L3MBTL4: variants seen among roughly 807,000 people sequenced by gnomAD.
The protein encoded by L3MBTL4 is lethal(3)malignant brain tumor-like protein 4.
Under a neutral mutation model 84.5 loss-of-function variants are expected in L3MBTL4, and 70 were observed. That is an observed-to-expected ratio of 0.83 (90% CI 0.68 to 1.01). The LOEUF (loss-of-function observed/expected upper bound fraction) is 1.01, where lower values mean the gene tolerates loss of function less well. Among genes scored for constraint, L3MBTL4 ranks in the 50% least tolerant of loss-of-function variants. L3MBTL4 has a pLI of 0.00. For synonymous variants in L3MBTL4, 274 were observed against 259.8 expected (o/e 1.05, Z -0.52); for missense variants, 715 against 754.8 (o/e 0.95, Z 0.62).
chr18:6,194,786 C>G (rs2045300624), intron 12 of L3MBTL4, among the ~76,000 whole-genome samples: 1 of 152,164 alleles, frequency 6.6e-6, no homozygotes, highest in South Asian at 2.1e-4. Context: ...GGCAGCATCC[C>G]CGATGAATTG....
chr18:6,220,908 A>G (rs1259432871), intron 10 of L3MBTL4, among the ~76,000 whole-genome samples: 2 of 152,110 alleles, frequency 1.3e-5, no homozygotes, highest in African/African-American at 4.8e-5. Context: ...CATTTGAACA[A>G]AATGGTGCTG....
At chr18:6,048,411 G>A (rs1199830131) in intron 16 of L3MBTL4, among the ~76,000 whole-genome samples, 1 of 152,070 alleles carries the variant, frequency 6.6e-6, no homozygotes, top group Non-Finnish European at 1.5e-5. Context: ...ACCAAAAATA[G>A]CCCAAATAGC....
chr18:6,179,789 C>A (rs570616943), intron 12 of L3MBTL4, among the ~76,000 whole-genome samples: 1 of 152,242 alleles, frequency 6.6e-6, no homozygotes, highest in South Asian at 2.1e-4. Context: ...CACCACACCA[C>A]ACCACTCAAT....
At chr18:6,193,807 T>C (rs192323622) in intron 12 of L3MBTL4, among the ~76,000 whole-genome samples, 209 of 152,272 alleles carry the variant, frequency 1.4e-3, no homozygotes, top group Admixed American at 2.5e-3. Flanking sequence ...TCCAGGCATA[T>C]GGGCCACTCT....
At chr18:6,217,098 TC>T (rs765845578) in intron 10 of L3MBTL4, among the ~76,000 whole-genome samples, 1 of 152,182 alleles carries the variant, frequency 6.6e-6, no homozygotes, top group Admixed American at 6.5e-5. Context: ...CCCCCATATT[TC>T]TGATCATTTT....
intron 1 of L3MBTL4, among the ~76,000 whole-genome samples, chr18:6,403,892 T>A (rs1362161279): frequency 6.6e-6 from 1 of 152,172 alleles, no homozygotes; most frequent in Non-Finnish European, 1.5e-5. Flanking sequence ...GTGGCATATA[T>A]ATACCATGGA....
intron 16 of L3MBTL4, among the ~76,000 whole-genome samples, chr18:6,058,299 C>T (rs1316517821): frequency 6.6e-6 from 1 of 152,206 alleles, no homozygotes; most frequent in Non-Finnish European, 1.5e-5. Flanking sequence ...TCATTCTCTA[C>T]ATTGCTCCAG....
intron 16 of L3MBTL4, among the ~76,000 whole-genome samples, chr18:6,065,280 A>G (rs1316497768): frequency 6.6e-6 from 1 of 152,018 alleles, no homozygotes; most frequent in African/African-American, 2.4e-5. Context: ...GGATTTTTGC[A>G]TCTATGTTCA....
chr18:6,307,487 G>C (rs1229625053), intron 3 of L3MBTL4, among the ~76,000 whole-genome samples: 1 of 151,792 alleles, frequency 6.6e-6, no homozygotes. Flanking sequence ...TACCAGGTTG[G>C]ATTTATAAGC....
At chr18:6,340,102 C>A (rs2052535938) in intron 1 of L3MBTL4, among the ~76,000 whole-genome samples, 1 of 152,086 alleles carries the variant, frequency 6.6e-6, no homozygotes. Flanking sequence ...AACCTAAGAA[C>A]ATTATGAGAA....
At chr18:5,975,782 C>T (rs115553469) in intron 16 of L3MBTL4, among the ~76,000 whole-genome samples, 7 of 152,322 alleles carry the variant, frequency 4.6e-5, no homozygotes, top group Admixed American at 3.3e-4. Flanking sequence ...TCCTCAGGAA[C>T]GCTCCTCTCT....
At chr18:6,319,020 C>G (rs959364657) in intron 1 of L3MBTL4, among the ~76,000 whole-genome samples, 11 of 152,006 alleles carry the variant, frequency 7.2e-5, no homozygotes, top group African/African-American at 2.7e-4. Context: ...ACAATCTGCC[C>G]ATGAATTATT....
intron 1 of L3MBTL4, among the ~76,000 whole-genome samples, chr18:6,390,128 A>G (rs1159846351): frequency 6.6e-6 from 1 of 152,166 alleles, no homozygotes; most frequent in Non-Finnish European, 1.5e-5. Flanking sequence ...ATAAAACTAG[A>G]AATCAACTCC....
intron 16 of L3MBTL4, among the ~76,000 whole-genome samples, chr18:5,987,878 T>C (rs2053534543): frequency 6.8e-6 from 1 of 146,532 alleles, no homozygotes; most frequent in Admixed American, 6.6e-5. Flanking sequence ...ATTTCAGGAC[T>C]TAATTCCCTG....
chr18:6,290,219 T>C (rs2049793519), intron 4 of L3MBTL4, among the ~76,000 whole-genome samples: 1 of 152,010 alleles, frequency 6.6e-6, no homozygotes, highest in East Asian at 1.9e-4. Context: ...CCCAGCCTAC[T>C]TCCAGGTTAC....
chr18:6,301,639 A>T (rs1021073594), intron 4 of L3MBTL4, among the ~76,000 whole-genome samples: 1 of 152,240 alleles, frequency 6.6e-6, no homozygotes, highest in Non-Finnish European at 1.5e-5. Context: ...GAGAAAATTT[A>T]CAAATAAGTT....
At chr18:6,315,985 T>C (rs2051072250) in intron 1 of L3MBTL4, among the ~76,000 whole-genome samples, 2 of 151,450 alleles carry the variant, frequency 1.3e-5, no homozygotes, top group South Asian at 2.1e-4. Flanking sequence ...CCAAAGGGTA[T>C]CAACAGAGGT....
chr18:5,970,055 CCT>C (rs1297102422), intron 16 of L3MBTL4, among the ~76,000 whole-genome samples: 2 of 152,332 alleles, frequency 1.3e-5, no homozygotes, highest in South Asian at 2.1e-4. Flanking sequence ...TCATAAATCC[CCT>C]GAGTGATACT....
rs546356056 is a variant in L3MBTL4 at position 6,070,707 on chromosome 18, A to G, written c.1444+10174T>C. On this transcript the variant is annotated intron_variant, in intron 16 of 18. Coordinates refer to ENST00000317931, the MANE Select transcript of L3MBTL4 (RefSeq NM_001330559.2). Reference sequence around the variant, plus strand: ...ACAAAAATTAGCCGGGCATGGTGGCACACACCTGTAGGCCCAGCTACTCCA... The same window carrying G: ...ACAAAAATTAGCCGGGCATGGTGGCGCACACCTGTAGGCCCAGCTACTCCA... Among the ~76,000 whole-genome samples, 8 of 152,182 alleles carry G rather than the reference A, an allele frequency of 5.3e-5. No individual in the cohort carries two copies. In the South Asian group the frequency reaches 1.0e-3, roughly 20 times the overall value.
Sources: gnomAD v4.1 joint callset for allele counts (sites outside exome capture counted in the v4.1 genomes callset) on GRCh38, gnomAD v4.1.1 for gene constraint, MANE v1.5 for transcripts, NCBI Gene and HGNC (gene_info 2026-07-23, HGNC 2026-07-21) for gene names.